Variants in COL21A1 observed in about 807,000 individuals in gnomAD.
COL21A1 encodes collagen type XXI alpha 1 chain.
COL21A1 carries 149 observed loss-of-function variants against 137.9 expected under a neutral mutation model. The ratio of observed to expected loss-of-function variants is 1.08; its 90% CI spans 0.95 to 1.24. The LOEUF (loss-of-function observed/expected upper bound fraction) is 1.24. COL21A1 is among the 50% of genes most tolerant of loss of function. COL21A1 has a pLI of 0.00. For missense variants in COL21A1, 1,167 were observed against 1,158.4 expected (o/e 1.01, Z -0.11); for synonymous variants, 456 against 391.5 (o/e 1.16, Z -1.95).
chr6:56,064,497 T>C, intron 24 of COL21A1, 81 bp downstream of exon 24: 2 of 963,892 alleles, frequency 2.1e-6, no homozygotes, highest in East Asian at 2.6e-5. Flanking sequence ...CCCATTTTTA[T>C]TTGCAAGTAA....
At chr6:56,299,594 A>G (rs1764235552) in intron 1 of COL21A1, among the ~76,000 whole-genome samples, 1 of 152,158 alleles carries the variant, frequency 6.6e-6, no homozygotes, top group African/African-American at 2.4e-5. Context: ...CTCATATGAA[A>G]AAAAGACATT....
At chr6:56,222,044 G>A (rs143731382) in intron 1 of COL21A1, among the ~76,000 whole-genome samples, 51 of 151,956 alleles carry the variant, frequency 3.4e-4, no homozygotes, top group Middle Eastern at 3.4e-3. Flanking sequence ...AGGCCGAGGC[G>A]GATGGATTAC....
intron 1 of COL21A1, among the ~76,000 whole-genome samples, chr6:56,302,452 T>C (rs1442028767): frequency 4.7e-4 from 72 of 152,068 alleles, no homozygotes; most frequent in Non-Finnish European, 9.1e-4. Flanking sequence ...CTCATTGTGG[T>C]TTTGATTTGC....
At chr6:56,332,655 T>C (rs981683440) in intron 1 of COL21A1, among the ~76,000 whole-genome samples, 19 of 151,738 alleles carry the variant, frequency 1.3e-4, no homozygotes, top group African/African-American at 4.6e-4. Context: ...CTGTTTATTC[T>C]CTTGTCACCA....
chr6:56,392,461 G>GT (rs1310499639), intron 1 of COL21A1, among the ~76,000 whole-genome samples: 1 of 152,052 alleles, frequency 6.6e-6, no homozygotes, highest in East Asian at 1.9e-4. Flanking sequence ...TTTCACTACT[G>GT]TTTTTTCAAC....
At chr6:56,068,245 T>C (rs1766432246) in intron 22 of COL21A1, among the ~76,000 whole-genome samples, 2 of 151,480 alleles carry the variant, frequency 1.3e-5, no homozygotes, top group South Asian at 2.1e-4. Context: ...ACATGAGGGA[T>C]AGAAAATAAG....
chr6:56,290,908 T>C (rs543525505), intron 1 of COL21A1, among the ~76,000 whole-genome samples: 1 of 152,138 alleles, frequency 6.6e-6, no homozygotes, highest in African/African-American at 2.4e-5. Context: ...TGCCTAAAGC[T>C]CCCAGGTGAT....
At chr6:56,161,437 T>C (rs1157807918) in intron 9 of COL21A1, among the ~76,000 whole-genome samples, 1 of 152,122 alleles carries the variant, frequency 6.6e-6, no homozygotes. Context: ...ACCTGGATCT[T>C]TCTCGCAGAA....
At chr6:56,321,081 C>T (rs1279294506) in intron 1 of COL21A1, among the ~76,000 whole-genome samples, 1 of 152,126 alleles carries the variant, frequency 6.6e-6, no homozygotes, top group Non-Finnish European at 1.5e-5. Flanking sequence ...ACTAGGAGTA[C>T]AGAACTGCTA....
chr6:56,193,265 C>T (rs6936386), intron 1 of COL21A1, among the ~76,000 whole-genome samples: 84,740 of 151,724 alleles, frequency 0.56, 23,890 homozygotes, highest in East Asian at 0.77. Context: ...ACCTATGTAA[C>T]AAAACTGCAC....
chr6:56,333,313 G>T (rs1765271464), intron 1 of COL21A1, among the ~76,000 whole-genome samples: 1 of 117,018 alleles, frequency 8.5e-6, no homozygotes, highest in Admixed American at 1.2e-4. Context: ...CCCCTTCCTA[G>T]GCATCTGCTA....
chr6:56,164,528 C>T, intron 8 of COL21A1, 22 bp from the exon 9 acceptor site: 1 of 1,512,578 alleles, frequency 6.6e-7, no homozygotes, highest in Non-Finnish European at 9.0e-7. Context: ...AAAATGGAAA[C>T]AGACAACAAG....
At chr6:56,292,969 T>C (rs1223781650) in intron 1 of COL21A1, among the ~76,000 whole-genome samples, 2 of 152,200 alleles carry the variant, frequency 1.3e-5, no homozygotes, top group African/African-American at 4.8e-5. Flanking sequence ...ACATATGTAT[T>C]CAATTTTATG....
At chr6:56,069,241 C>T in intron 21 of COL21A1, 124 bp from the exon 22 acceptor site, 1 of 510,282 alleles carries the variant, frequency 2.0e-6, no homozygotes, top group Non-Finnish European at 3.4e-6. Flanking sequence ...ACAGTTACTA[C>T]TACAGAAATA....
intron 1 of COL21A1, among the ~76,000 whole-genome samples, chr6:56,359,862 C>T (rs1482232476): frequency 2.0e-5 from 3 of 152,096 alleles, no homozygotes; most frequent in Non-Finnish European, 4.4e-5. Context: ...TGTCCTAGAT[C>T]GAAGGAAATG....
At chr6:56,245,360 A>G (rs1241192915) in intron 1 of COL21A1, among the ~76,000 whole-genome samples, 7 of 152,204 alleles carry the variant, frequency 4.6e-5, no homozygotes, top group African/African-American at 1.7e-4. Flanking sequence ...CTAATCTAAA[A>G]CTTTTTCCAG....
At chr6:56,339,596 G>A (rs1371627157) in intron 1 of COL21A1, among the ~76,000 whole-genome samples, 1 of 152,068 alleles carries the variant, frequency 6.6e-6, no homozygotes, top group Non-Finnish European at 1.5e-5. Context: ...AAAACTCCGG[G>A]TAGCACACAC....
At chr6:56,282,999 T>C (rs1763816212) in intron 1 of COL21A1, among the ~76,000 whole-genome samples, 2 of 152,202 alleles carry the variant, frequency 1.3e-5, no homozygotes, top group Non-Finnish European at 1.5e-5. Context: ...TAAAGAAACA[T>C]TGAAGGAACT....
At chr6:56,354,300 T>C (rs150996209) in intron 1 of COL21A1, among the ~76,000 whole-genome samples, 1 of 152,354 alleles carries the variant, frequency 6.6e-6, no homozygotes, top group Non-Finnish European at 1.5e-5. Flanking sequence ...ACAGGTGTGG[T>C]TGTCCCATGC....
Sources: gnomAD v4.1 joint callset for allele counts (sites outside exome capture counted in the v4.1 genomes callset) on GRCh38, gnomAD v4.1.1 for gene constraint, MANE v1.5 for transcripts, NCBI Gene and HGNC (gene_info 2026-07-23, HGNC 2026-07-21) for gene names.